The following TUSC3 variants were observed in gnomAD, a reference collection of about 807,000 sequenced individuals.
TUSC3 encodes dolichyl-diphosphooligosaccharide--protein glycosyltransferase subunit TUSC3.
In TUSC3, 45 loss-of-function variants were observed where a neutral mutation model predicts 44.8. The ratio of observed to expected loss-of-function variants is 1.00; its 90% CI spans 0.79 to 1.29. The LOEUF (loss-of-function observed/expected upper bound fraction) is 1.29. Among genes scored for constraint, TUSC3 ranks in the 50% most tolerant of loss-of-function variants. TUSC3 has a pLI of 0.00. For synonymous variants in TUSC3, 212 were observed against 152.9 expected, an observed-to-expected ratio of 1.39 and a Z score of -2.85; for missense variants, 519 against 437.9, an observed-to-expected ratio of 1.19 and a Z score of -1.65.
intron 1 of TUSC3, among the ~76,000 whole-genome samples, chr8:15,465,902 AC>A (rs1476785121): frequency 6.6e-6 from 1 of 152,172 alleles, no homozygotes; most frequent in African/African-American, 2.4e-5. Context: ...GTCACAATCA[AC>A]TTAGCGGTCC....
chr8:15,545,215 A>G (rs1705405023), intron 1 of TUSC3, among the ~76,000 whole-genome samples: 1 of 151,596 alleles, frequency 6.6e-6, no homozygotes. Flanking sequence ...TTCTTCCTTG[A>G]AAGCAACTAA....
chr8:15,427,395 G>C (rs1799817135), intron 1 of TUSC3, among the ~76,000 whole-genome samples: 1 of 151,902 alleles, frequency 6.6e-6, no homozygotes, highest in South Asian at 2.1e-4. Flanking sequence ...AATAATAAAT[G>C]GTCATAGCTG....
At chr8:15,742,543 C>A (rs1235948753) in intron 7 of TUSC3, among the ~76,000 whole-genome samples, 1 of 152,114 alleles carries the variant, frequency 6.6e-6, no homozygotes, top group African/African-American at 2.4e-5. Context: ...TTTCTCTGAC[C>A]TCCTCCACTT....
chr8:15,808,068 T>A, the TUSC3 span, among the ~76,000 whole-genome samples: 2 of 152,224 alleles, frequency 1.3e-5, no homozygotes, highest in African/African-American at 4.8e-5. Context: ...TTTTAAAGCA[T>A]CCTACATATA....
chr8:15,816,894 T>C, the TUSC3 span, among the ~76,000 whole-genome samples: 1 of 152,248 alleles, frequency 6.6e-6, no homozygotes, highest in Non-Finnish European at 1.5e-5. Context: ...AGCTCCCCAA[T>C]GTTTCTCATG....
Position 15,623,009 on chromosome 8 carries a change from T to C in TUSC3, c.139-71T>C, listed in dbSNP as rs895692316. On this transcript the variant is annotated intron_variant, in intron 1 of 10. Coordinates refer to ENST00000503731, the MANE Select transcript of TUSC3 (RefSeq NM_006765.4). Reference sequence around the variant, plus strand: ...AGGAAAAAGAAAATAAAACATTTTATGCATTTATATGAAATTCAAACAAAA... The same window carrying C: ...AGGAAAAAGAAAATAAAACATTTTACGCATTTATATGAAATTCAAACAAAA... 6 of 1,441,208 alleles carry C rather than the reference T, an allele frequency of 4.2e-6. No individual in the cohort carries two copies. The African/African-American group carries it at 5.7e-5, about 14-fold the overall frequency. The allele number at this position is 1,441,208 out of a possible 1,614,324, so 89.3% of individuals were successfully genotyped here.
chr8:15,535,191 T>G (rs2129131136), intron 2 of TUSC3, among the ~76,000 whole-genome samples: 1 of 152,372 alleles, frequency 6.6e-6, no homozygotes, highest in African/African-American at 2.4e-5. Flanking sequence ...TTCTGGAAAT[T>G]AATTCTTGTA....
intron 1 of TUSC3, among the ~76,000 whole-genome samples, chr8:15,426,356 T>C (rs988701876): frequency 1.3e-5 from 2 of 152,244 alleles, no homozygotes; most frequent in African/African-American, 4.8e-5. Flanking sequence ...CTAGAACTTA[T>C]TCATCTAGCA....
At position 15,756,459 on chromosome 8, in the gene TUSC3, C is replaced by G. The variant is rs1585308970; in HGVS notation, c.1029-1332C>G. ...TCAGCTATACTAGCCATTTCAGCAA[C>G]TGATTATTCAGTAGTACTTTGTCGC... On this transcript the variant is annotated intron_variant, in intron 9 of 10. Coordinates refer to ENST00000503731, the MANE Select transcript of TUSC3 (RefSeq NM_006765.4). 4.6e-5 allele frequency among the ~76,000 whole-genome samples: 7 copies of G among 152,236 alleles called. 1 individual carries two copies. The South Asian group carries it at 1.4e-3, about 32-fold the overall frequency.
At chr8:15,748,893 G>A in intron 9 of TUSC3, 3 of 377,906 alleles carry the variant, frequency 7.9e-6, no homozygotes, top group South Asian at 2.0e-5. Flanking sequence ...AACATGAAAG[G>A]GAAAAGTTAA....
rs371090083 is a variant in TUSC3, at chr8:15,502,092, C to G, written n.189+18609C>G. Among the ~76,000 whole-genome samples the G allele has an allele frequency of 9.2e-5, 14 of 152,270 alleles. No individual in the cohort carries two copies. The East Asian group carries it at 2.7e-3, about 29-fold the overall frequency. ...TATCACCATCTATCTATTCAATATA[C>G]TTATGCTATAACTTTTAGTTGAAGC... On this transcript the variant is annotated intron_variant and non_coding_transcript_variant, in intron 2 of 5. Transcript: ENST00000503191.
intron 1 of TUSC3, among the ~76,000 whole-genome samples, chr8:15,450,124 A>G (rs887655115): frequency 1.3e-5 from 2 of 152,212 alleles, no homozygotes; most frequent in Non-Finnish European, 2.9e-5. Context: ...GTTTATCTTT[A>G]TAAACATGTA....
At chr8:15,740,849 T>C (rs1036643880) in intron 7 of TUSC3, among the ~76,000 whole-genome samples, 1 of 152,186 alleles carries the variant, frequency 6.6e-6, no homozygotes, top group Non-Finnish European at 1.5e-5. Context: ...TTTGCAGGAA[T>C]GTTTATAGTA....
intron 1 of TUSC3, among the ~76,000 whole-genome samples, chr8:15,569,232 A>G (rs746366174): frequency 6.6e-6 from 1 of 152,144 alleles, no homozygotes; most frequent in Non-Finnish European, 1.5e-5. Flanking sequence ...TAGATAAGCT[A>G]CTAAATTCTT....
At chr8:15,505,504 T>A (rs1057396527) in intron 2 of TUSC3, among the ~76,000 whole-genome samples, 11 of 152,150 alleles carry the variant, frequency 7.2e-5, no homozygotes, top group Non-Finnish European at 1.5e-4. Flanking sequence ...CATCTGTACG[T>A]TTTTTATTGT....
chr8:15,691,908 G>C (rs527632345), intron 6 of TUSC3, among the ~76,000 whole-genome samples: 1 of 152,042 alleles, frequency 6.6e-6, no homozygotes, highest in East Asian at 1.9e-4. Flanking sequence ...CCTCACCCAA[G>C]TAACTGGGAT....
At chr8:15,532,744 C>A (rs988062272) in intron 2 of TUSC3, among the ~76,000 whole-genome samples, 1 of 152,136 alleles carries the variant, frequency 6.6e-6, no homozygotes, top group African/African-American at 2.4e-5. Flanking sequence ...AACTGATTCA[C>A]GGGGGCAGGT....
At chr8:15,727,598 T>A (rs1426827970) in intron 6 of TUSC3, among the ~76,000 whole-genome samples, 2 of 152,146 alleles carry the variant, frequency 1.3e-5, no homozygotes, top group East Asian at 3.9e-4. Flanking sequence ...AAAAAAGAAG[T>A]ACAAAAGTCA....
intron 2 of TUSC3, among the ~76,000 whole-genome samples, chr8:15,532,092 GT>G (rs988189086): frequency 6.6e-6 from 1 of 151,890 alleles, no homozygotes; most frequent in African/African-American, 2.4e-5. Flanking sequence ...ATGCACCTAA[GT>G]TTTTTTTCTT....
Sources: allele counts gnomAD v4.1 joint callset (sites outside exome capture counted in the v4.1 genomes callset), GRCh38; gene constraint gnomAD v4.1.1; transcripts MANE v1.5; gene names NCBI Gene and HGNC (gene_info 2026-07-23, HGNC 2026-07-21).